EP400: variants seen among roughly 807,000 people sequenced by gnomAD.
The protein encoded by EP400 is E1A binding protein p400, also known as E1A-binding protein p400.
A neutral mutation model predicts 354.1 loss-of-function variants in EP400; 105 were observed. The ratio of observed to expected loss-of-function variants is 0.30; its 90% CI spans 0.25 to 0.35. EP400 has a LOEUF of 0.35. EP400 is among the 10% of genes least tolerant of loss of function. The pLI, the probability that EP400 is intolerant of heterozygous loss-of-function variation, is 1.00. For synonymous variants in EP400, 1,646 were observed against 1,716.9 expected (o/e 0.96, Z 1.02); for missense variants, 3,280 against 4,121.0 (o/e 0.80, Z 5.59).
chr12:132,034,696 C>G (rs1008723229), intron 30 of EP400, among the ~76,000 whole-genome samples: 17 of 152,322 alleles, frequency 1.1e-4, no homozygotes, highest in African/African-American at 3.6e-4. Context: ...GAGGGCCTTT[C>G]TGTCATGAAT....
Position 132,067,843 on chromosome 12 carries a change from C to A in EP400, c.8874+357C>A, listed in dbSNP as rs1372871450. Among the ~76,000 whole-genome samples the A allele has an allele frequency of 2.6e-5, 4 of 152,086 alleles. No individual in the cohort carries two copies. Among genetic ancestry groups the A allele is most frequent in the Non-Finnish European group, 5.9e-5 (4 of 68,008 alleles). On this transcript the variant is annotated intron_variant, in intron 50 of 52. Coordinates refer to ENST00000389561, the MANE Select transcript of EP400 (RefSeq NM_015409.5). This position sits in a 1 kb window ranked among gnomAD's most constrained non-coding sequence, Gnocchi z 5.3. ...CTCAGGGAAGCAGACGCAGCTCACA[C>A]CACAGGACCCGCCTGGACTCCTGCT... is the stretch of plus-strand genomic sequence containing the variant.
At position 131,982,127 on chromosome 12, in the gene EP400, C is replaced by T; in HGVS notation, c.1578C>T (p.Leu526=). ...CCCCCACGCCGCAGGCCGCGCAGCT[C>T]GCTGGACAGAGGCAGAGTCAGCAGC... ...GMPPTPQAAQ[L]AGQRQSQQQY... The change falls in exon 5 of 53, where the codon CTC becomes CTT. Residue 526 remains leucine, a synonymous_variant. Transcript: ENST00000389561. 1 of 1,567,988 alleles carries T rather than the reference C, an allele frequency of 6.4e-7. No homozygotes were observed. Among genetic ancestry groups the T allele is most frequent in the Non-Finnish European group, 8.7e-7 (1 of 1,153,934 alleles).
rs189126938 is a variant in EP400 at position 131,992,429 on chromosome 12, G to T, written c.2737+199G>T. ...CTTGGGATGTTTTCTGGAGCAACATGGTCGTATCTGCTTTTTGAGGTTTGG... is the reference window on the plus strand; with the variant it reads ...CTTGGGATGTTTTCTGGAGCAACATTGTCGTATCTGCTTTTTGAGGTTTGG... On this transcript the variant is annotated intron_variant, in intron 11 of 52. Coordinates refer to ENST00000389561, the MANE Select transcript of EP400 (RefSeq NM_015409.5). Among the ~76,000 whole-genome samples, 241 of 152,316 alleles carry T rather than the reference G, an allele frequency of 1.6e-3. 2 individuals are homozygous for T. Among genetic ancestry groups the T allele is most frequent in the Middle Eastern group, 6.8e-3 (2 of 294 alleles).
intron 12 of EP400, among the ~76,000 whole-genome samples, chr12:132,002,209 A>C (rs1304046634): frequency 6.6e-6 from 1 of 152,208 alleles, no homozygotes; most frequent in Non-Finnish European, 1.5e-5. Context: ...TGGAGTGTTT[A>C]GTACATTTGT....
rs904849115 is a variant in EP400, at chr12:131,970,941, C to T, written c.1336-8753C>T. ...ATTACAGGCTGGGCGCTTTGGCTCA[C>T]ACCTGCAGTCCCAGCACTTGGAGAG... On this transcript the variant is annotated intron_variant, in intron 2 of 52. Transcript: ENST00000389561. 4.6e-5 allele frequency among the ~76,000 whole-genome samples: 7 copies of T among 152,156 alleles called. No individual in the cohort carries two copies. The East Asian group carries it at 1.3e-3, about 29-fold the overall frequency.
chr12:131,957,649 G>A (rs555886811), intron 1 of EP400, among the ~76,000 whole-genome samples: 1 of 151,902 alleles, frequency 6.6e-6, no homozygotes, highest in South Asian at 2.1e-4. Context: ...AGGCTGGAGT[G>A]CAATGGCTCA....
At chr12:131,976,319 GGAT>G (rs1892470377) in intron 2 of EP400, among the ~76,000 whole-genome samples, 4 of 152,046 alleles carry the variant, frequency 2.6e-5, no homozygotes, top group Admixed American at 1.3e-4. Context: ...AGTTTGAATT[GGAT>G]TTTGTACAAT....
rs1895737793 is a variant in EP400, at chr12:132,062,566, G to GC, written c.8200dup (p.Gln2734ProfsTer249). On this transcript the variant is annotated frameshift_variant, in exon 47 of 53. Coordinates refer to ENST00000389561, the MANE Select transcript of EP400 (RefSeq NM_015409.5). LOFTEE classifies it high-confidence loss of function. Reference sequence around the variant, plus strand: ...AGCAACAACAGCAGCAGCAGCAGCAGCAGCAGCAGCAGCAGCAGCAGCAGC... The same window carrying GC: ...AGCAACAACAGCAGCAGCAGCAGCAGCCAGCAGCAGCAGCAGCAGCAGCAGC... The GC allele has an allele frequency of 6.2e-7, 1 of 1,606,696 alleles. No homozygotes were observed. Among genetic ancestry groups the GC allele is most frequent in the Non-Finnish European group, 8.5e-7 (1 of 1,175,722 alleles).
intron 12 of EP400, 131 bp from the exon 13 acceptor site, chr12:132,004,946 G>C (rs1339698683): frequency 2.7e-6 from 2 of 728,840 alleles, no homozygotes; most frequent in Admixed American, 2.0e-5. Context: ...TCTAAAGCTG[G>C]AAAAAGGAAT....
rs138553586 is a variant in EP400, at chr12:132,033,700, G to A, written c.5951+1551G>A. ...GTGTGCAGTACCATGCCTGGCTAATGTTTGTATTTTTTGCACAGACAGGGT... is the reference window on the plus strand; with the variant it reads ...GTGTGCAGTACCATGCCTGGCTAATATTTGTATTTTTTGCACAGACAGGGT... On this transcript the variant is annotated intron_variant, in intron 30 of 52. Transcript: ENST00000389561. Among the ~76,000 whole-genome samples the A allele has an allele frequency of 2.3e-3, 346 of 152,000 alleles. 3 individuals are homozygous for A. The highest frequency in any genetic ancestry group is 7.9e-3 in the African/African-American group (326 of 41,464).
Position 131,990,507 on chromosome 12 carries a change from G to A in EP400, c.2551-129G>A, listed in dbSNP as rs1275456549. ...TAGTTAGTATGAAATAAATGAAAAAGCACCAAACTGACGAGGCTGGAAAAC... is the reference window on the plus strand; with the variant it reads ...TAGTTAGTATGAAATAAATGAAAAAACACCAAACTGACGAGGCTGGAAAAC... On this transcript the variant is annotated intron_variant, in intron 8 of 52. Coordinates refer to ENST00000389561, the MANE Select transcript of EP400 (RefSeq NM_015409.5). This position sits in a 1 kb window ranked among gnomAD's most constrained non-coding sequence, Gnocchi z 4.2. 4 of 685,860 alleles carry A rather than the reference G, an allele frequency of 5.8e-6. No homozygotes were observed. The highest frequency in any genetic ancestry group is 4.1e-4 in the Middle Eastern group (1 of 2,450). The allele number at this position is 685,860 out of a possible 1,614,324, so 42.5% of individuals were successfully genotyped here.
In EP400 at chr12:132,027,932, T is replaced by A; in HGVS notation, c.5110-85T>A. The A allele has an allele frequency of 6.9e-7, 1 of 1,458,996 alleles. No homozygotes were observed. The highest frequency in any genetic ancestry group is 9.4e-7 in the Non-Finnish European group (1 of 1,067,612). The allele number at this position is 1,458,996 out of a possible 1,614,324, so 90.4% of individuals were successfully genotyped here. ...TGAAGTGGATCTCATATGTGGGAAA[T>A]CACGGGCTGGGTGGGGGGTTGGTGA... On this transcript the variant is annotated intron_variant, in intron 26 of 52. Coordinates refer to ENST00000389561, the MANE Select transcript of EP400 (RefSeq NM_015409.5). This position sits in a 1 kb window ranked among gnomAD's most constrained non-coding sequence, Gnocchi z 4.9.
intron 51 of EP400, 44 bp downstream of exon 51, chr12:132,069,685 G>A (rs201577828): frequency 4.4e-6 from 7 of 1,607,750 alleles, no homozygotes; most frequent in Admixed American, 1.7e-5. Context: ...AGGAGTGGGT[G>A]CCCGGCCTTT....
chr12:132,071,953 G>A (rs1896081326), intron 51 of EP400, among the ~76,000 whole-genome samples: 2 of 152,360 alleles, frequency 1.3e-5, no homozygotes, highest in Admixed American at 1.3e-4. Context: ...CAGATGGACT[G>A]TTGTAGTGGG....
At chr12:131,992,281 A>G (rs750108444) in intron 11 of EP400, 51 bp downstream of exon 11, 37 of 1,550,010 alleles carry the variant, frequency 2.4e-5, no homozygotes, top group Non-Finnish European at 3.0e-5. Context: ...TGCTGATGAG[A>G]TGACACAGAG....
At chr12:131,975,379 G>A (rs1279349399) in intron 2 of EP400, among the ~76,000 whole-genome samples, 2 of 152,166 alleles carry the variant, frequency 1.3e-5, no homozygotes, top group Non-Finnish European at 2.9e-5. Flanking sequence ...CACTGTGTGA[G>A]CGTGGGTCTG....
intron 15 of EP400, among the ~76,000 whole-genome samples, chr12:132,007,965 G>C (rs1893640726): frequency 6.9e-6 from 1 of 144,294 alleles, no homozygotes; most frequent in Admixed American, 7.0e-5. Flanking sequence ...TTTTTTTTTT[G>C]AGATGGAGTT....
rs965595541 is a variant in EP400 at position 132,005,175 on chromosome 12, G to A, written c.2926G>A (p.Gly976Arg). 1.1e-5 allele frequency: 17 copies of A among 1,573,400 alleles called. No homozygotes were observed. Among genetic ancestry groups the A allele is most frequent in the South Asian group, 5.8e-5 (5 of 85,522 alleles). Residue 976 changes from glycine to arginine, a missense_variant, in exon 13 of 53, where the codon GGA becomes AGA. Coordinates refer to ENST00000389561, the MANE Select transcript of EP400 (RefSeq NM_015409.5). Reference protein sequence around the residue: ...RPKPDGEDTSGEEDADDCPGD... With the variant: ...RPKPDGEDTSREEDADDCPGD... Reference sequence around the variant, plus strand: ...GAAGCCTGATGGGGAGGACACAAGCGGAGAGGAAGGTGCGCTCCCAGCCTT... The same window carrying A: ...GAAGCCTGATGGGGAGGACACAAGCAGAGAGGAAGGTGCGCTCCCAGCCTT...
chr12:131,978,067 A>G (rs910690126), intron 2 of EP400, among the ~76,000 whole-genome samples: 3 of 152,222 alleles, frequency 2.0e-5, no homozygotes, highest in African/African-American at 7.2e-5. Context: ...GACCAGATGG[A>G]AAAGGGTTAG....
Sources: allele counts gnomAD v4.1 joint callset (sites outside exome capture counted in the v4.1 genomes callset), GRCh38; gene constraint gnomAD v4.1.1; non-coding constraint Gnocchi (gnomAD v3.1); transcripts MANE v1.5; gene names NCBI Gene and HGNC (gene_info 2026-07-23, HGNC 2026-07-21).